The following GMDS variants were observed in gnomAD, a reference collection of about 807,000 sequenced individuals.
GMDS encodes the protein GDP-mannose 4,6 dehydratase.
In GMDS, 20 loss-of-function variants were observed where a neutral mutation model predicts 49.9. That is an observed-to-expected ratio of 0.40 (90% CI 0.28 to 0.58). The LOEUF is 0.58. Among genes scored for constraint, GMDS ranks in the 20% least tolerant of loss-of-function variants. GMDS has a pLI of 0.42. For synonymous variants in GMDS, 177 were observed against 178.6 expected (o/e 0.99, Z 0.07); for missense variants, 362 against 481.4 (o/e 0.75, Z 2.32).
At chr6:1,674,749 C>T (rs1764559488) in intron 9 of GMDS, among the ~76,000 whole-genome samples, 1 of 148,746 alleles carries the variant, frequency 6.7e-6, no homozygotes, top group African/African-American at 2.5e-5. Context: ...GGATTTTTAC[C>T]ATGTTGCCCA....
At chr6:2,084,637 G>C (rs1343466403) in intron 4 of GMDS, among the ~76,000 whole-genome samples, 1 of 152,040 alleles carries the variant, frequency 6.6e-6, no homozygotes, top group Admixed American at 6.6e-5. Flanking sequence ...CTCCCGTGTA[G>C]CTGGGACTAC....
At chr6:1,851,588 T>C (rs890984025) in intron 7 of GMDS, among the ~76,000 whole-genome samples, 9 of 152,106 alleles carry the variant, frequency 5.9e-5, no homozygotes, top group African/African-American at 1.9e-4. Flanking sequence ...ATTTAATACA[T>C]TTAATAAGGG....
chr6:2,158,916 C>T (rs924946455), intron 1 of GMDS, among the ~76,000 whole-genome samples: 12 of 152,124 alleles, frequency 7.9e-5, no homozygotes, highest in Admixed American at 1.3e-4. Flanking sequence ...ACAAGTATAC[C>T]TACTTACATC....
chr6:1,875,317 T>TACAC (rs56053544), intron 7 of GMDS, among the ~76,000 whole-genome samples: 39 of 150,126 alleles, frequency 2.6e-4, no homozygotes, highest in East Asian at 7.9e-4. Flanking sequence ...TTTTTGTATT[T>TACAC]ACACACACAC....
In GMDS at chr6:1,851,295, T is replaced by C. The variant is rs529702431; in HGVS notation, c.771+78808A>G. Among the ~76,000 whole-genome samples, 13 of 152,360 alleles carry C rather than the reference T, an allele frequency of 8.5e-5. No individual in the cohort carries two copies. In the East Asian group the frequency reaches 2.3e-3, roughly 27 times the overall value. Reference sequence around the variant, plus strand: ...ATGTAATTAAGGCTGCCTTCTAACCTTTTAATTATTATTAATGTGGAAAGT... The same window carrying C: ...ATGTAATTAAGGCTGCCTTCTAACCCTTTAATTATTATTAATGTGGAAAGT... On this transcript the variant is annotated intron_variant, in intron 7 of 10. Coordinates refer to ENST00000380815, the MANE Select transcript of GMDS (RefSeq NM_001500.4).
chr6:2,065,554 A>G (rs1771519813), intron 4 of GMDS, among the ~76,000 whole-genome samples: 1 of 151,946 alleles, frequency 6.6e-6, no homozygotes, highest in East Asian at 1.9e-4. Flanking sequence ...ACTAGAATAA[A>G]CCAATACAGA....
Position 1,833,333 on chromosome 6 carries a change from A to T in GMDS, c.772-90747T>A, listed in dbSNP as rs1407874384. On this transcript the variant is annotated intron_variant, in intron 7 of 10. Coordinates refer to ENST00000380815, the MANE Select transcript of GMDS (RefSeq NM_001500.4). The surrounding 1 kb of genome is among the most constrained non-coding windows in gnomAD (Gnocchi z 4.4). ...CACATCAAATGTCCTCCCTTCCTTCATATGGAAAGCTCATCTCGGAGGTGT... is the reference window on the plus strand; with the variant it reads ...CACATCAAATGTCCTCCCTTCCTTCTTATGGAAAGCTCATCTCGGAGGTGT... Among the ~76,000 whole-genome samples, 1 of 151,774 alleles carries T rather than the reference A, an allele frequency of 6.6e-6. No homozygotes were observed. The highest frequency in any genetic ancestry group is 1.5e-5 in the Non-Finnish European group (1 of 67,946).
chr6:2,018,701 T>A (rs1768057010), intron 4 of GMDS, among the ~76,000 whole-genome samples: 1 of 152,244 alleles, frequency 6.6e-6, no homozygotes, highest in Non-Finnish European at 1.5e-5. Context: ...AAATATTTCA[T>A]TGTATAGATA....
At chr6:1,845,923 C>G (rs915701595) in intron 7 of GMDS, among the ~76,000 whole-genome samples, 1 of 151,888 alleles carries the variant, frequency 6.6e-6, no homozygotes, top group Non-Finnish European at 1.5e-5. Context: ...GGGACCCCTG[C>G]TGTTAAGTCC....
intron 4 of GMDS, among the ~76,000 whole-genome samples, chr6:2,067,643 G>A (rs1179500751): frequency 6.6e-6 from 1 of 151,984 alleles, no homozygotes; most frequent in Admixed American, 6.6e-5. Flanking sequence ...ACACCTCTAC[G>A]CAAATAAACT....
At chr6:1,644,974 C>T (rs1763442610) in intron 9 of GMDS, among the ~76,000 whole-genome samples, 2 of 148,710 alleles carry the variant, frequency 1.3e-5, no homozygotes, top group African/African-American at 2.5e-5. Context: ...CTTGCTTTGT[C>T]GCCCAGCCTG....
At chr6:2,022,921 G>A (rs1016156931) in intron 4 of GMDS, among the ~76,000 whole-genome samples, 2 of 152,132 alleles carry the variant, frequency 1.3e-5, no homozygotes, top group African/African-American at 4.8e-5. Context: ...TGTCTTTTAA[G>A]AATTGTGTGT....
At chr6:1,983,542 C>G (rs958673092) in intron 4 of GMDS, among the ~76,000 whole-genome samples, 6 of 151,750 alleles carry the variant, frequency 4.0e-5, no homozygotes, top group East Asian at 3.9e-4. Context: ...AAAAATAAAC[C>G]ATTAAAAAGT....
intron 4 of GMDS, among the ~76,000 whole-genome samples, chr6:2,025,276 G>A (rs1768515200): frequency 6.6e-6 from 1 of 151,612 alleles, no homozygotes. Context: ...TGTTGTTAAT[G>A]CCATTAAGAT....
At chr6:1,757,363 T>C (rs1326390892) in intron 7 of GMDS, among the ~76,000 whole-genome samples, 1 of 152,146 alleles carries the variant, frequency 6.6e-6, no homozygotes, top group Non-Finnish European at 1.5e-5. Context: ...TTCAGCCAGG[T>C]GTTTCCAATT....
intron 7 of GMDS, among the ~76,000 whole-genome samples, chr6:1,767,422 A>G (rs1459856521): frequency 6.6e-6 from 1 of 152,208 alleles, no homozygotes; most frequent in African/African-American, 2.4e-5. Flanking sequence ...AGCAAAGTCA[A>G]GTTATTACTT....
At chr6:1,895,417 CA>C (rs1760109652) in intron 7 of GMDS, among the ~76,000 whole-genome samples, 2 of 152,300 alleles carry the variant, frequency 1.3e-5, no homozygotes, top group Admixed American at 1.3e-4. Flanking sequence ...AAACAGACTT[CA>C]GCTATGCATT....
At chr6:1,979,783 G>A (rs547929373) in intron 4 of GMDS, among the ~76,000 whole-genome samples, 15 of 152,204 alleles carry the variant, frequency 9.9e-5, no homozygotes, top group African/African-American at 3.6e-4. Flanking sequence ...AAAATGTTGA[G>A]GGCAGCCAGA....
intron 9 of GMDS, among the ~76,000 whole-genome samples, chr6:1,653,036 G>A (rs1186924960): frequency 1.3e-5 from 2 of 151,460 alleles, no homozygotes; most frequent in Non-Finnish European, 2.9e-5. Flanking sequence ...GGCCCGCGTG[G>A]CTCCTGTTGT....
Sources: allele counts gnomAD v4.1 joint callset (sites outside exome capture counted in the v4.1 genomes callset), GRCh38; gene constraint gnomAD v4.1.1; non-coding constraint Gnocchi (gnomAD v3.1); transcripts MANE v1.5; gene names NCBI Gene and HGNC (gene_info 2026-07-23, HGNC 2026-07-21).